The following CUL5 variants were observed in gnomAD, a reference collection of about 807,000 sequenced individuals.
CUL5 encodes the protein cullin-5.
A neutral mutation model predicts 108.8 loss-of-function variants in CUL5; 26 were observed. That is an observed-to-expected ratio of 0.24 (90% CI 0.18 to 0.33). The LOEUF (loss-of-function observed/expected upper bound fraction) is 0.33, where lower values mean the gene tolerates loss of function less well. Ranked by LOEUF, CUL5 falls within the 10% of genes least tolerant of loss-of-function variation. CUL5 has a pLI of 1.00. For missense variants in CUL5, 524 were observed against 909.2 expected, an observed-to-expected ratio of 0.58 and a Z score of 5.45; for synonymous variants, 334 against 298.0, an observed-to-expected ratio of 1.12 and a Z score of -1.25.
At chr11:108,010,186 A>AT (rs1487366998) in intron 1 of CUL5, among the ~76,000 whole-genome samples, 1 of 152,258 alleles carries the variant, frequency 6.6e-6, no homozygotes, top group East Asian at 1.9e-4. Context: ...GTAGTTAATC[A>AT]TTTGCCTTAA....
intron 1 of CUL5, among the ~76,000 whole-genome samples, chr11:108,022,581 C>T (rs752848268): frequency 7.2e-5 from 11 of 152,082 alleles, no homozygotes; most frequent in Non-Finnish European, 1.5e-4. Context: ...TGGCTGATAA[C>T]ACTTACCCCC....
At chr11:108,078,061 C>T in intron 10 of CUL5, 115 bp from the exon 11 acceptor site, 1 of 570,660 alleles carries the variant, frequency 1.8e-6, no homozygotes, top group Non-Finnish European at 3.0e-6. Flanking sequence ...TCTGTTTGGC[C>T]AGATATACCA....
rs772435876 is a variant in CUL5, at chr11:108,071,813, CA to C, written c.875-516del. Reference sequence around the variant, plus strand: ...AAATGATCCTCCCACCTTGGCCTCCCAAAGTGCTGGAGTTACAAGCGTGAAC... The same window carrying C: ...AAATGATCCTCCCACCTTGGCCTCCCAAGTGCTGGAGTTACAAGCGTGAAC... On this transcript the variant is annotated intron_variant, in intron 8 of 18. Transcript: ENST00000393094. Among the ~76,000 whole-genome samples, 7 of 152,272 alleles carry C rather than the reference CA, an allele frequency of 4.6e-5. No homozygotes were observed. The South Asian group carries it at 1.0e-3, about 23-fold the overall frequency.
At chr11:108,087,689 C>T (rs966381373) in intron 11 of CUL5, among the ~76,000 whole-genome samples, 2 of 152,072 alleles carry the variant, frequency 1.3e-5, no homozygotes, top group African/African-American at 2.4e-5. Context: ...GAGCCAGGTG[C>T]GGTGGCCCAC....
Position 108,057,198 on chromosome 11 carries a change from A to AT in CUL5, c.780+2249dup, listed in dbSNP as rs532349215. Among the ~76,000 whole-genome samples the AT allele has an allele frequency of 2.1e-3, 322 of 152,202 alleles. 24 individuals are homozygous for AT. In the South Asian group the frequency reaches 0.065, roughly 31 times the overall value. Reference sequence around the variant, plus strand: ...AGGTACGTGCCACTACACCTGGCTAATTTTTTATTTTTTGAGATCACGTCT... The same window carrying AT: ...AGGTACGTGCCACTACACCTGGCTAATTTTTTTATTTTTTGAGATCACGTCT... On this transcript the variant is annotated intron_variant, in intron 7 of 18. Coordinates refer to ENST00000393094, the MANE Select transcript of CUL5 (RefSeq NM_003478.6).
chr11:108,041,492 G>A (rs1046861088), intron 2 of CUL5, among the ~76,000 whole-genome samples: 2 of 151,760 alleles, frequency 1.3e-5, no homozygotes, highest in African/African-American at 4.8e-5. Context: ...GACCAGACTG[G>A]TCGCGAACTC....
chr11:108,050,132 A>G, intron 4 of CUL5, 66 bp downstream of exon 4: 3 of 1,407,946 alleles, frequency 2.1e-6, no homozygotes, highest in Non-Finnish European at 1.9e-6. Flanking sequence ...GAAGCATTTG[A>G]AAGTAATTTG....
chr11:108,077,633 A>G (rs925706456), intron 10 of CUL5, among the ~76,000 whole-genome samples: 1 of 150,690 alleles, frequency 6.6e-6, no homozygotes, highest in African/African-American at 2.4e-5. Context: ...CTGTCTCCAA[A>G]AAAAAAAAAA....
At chr11:108,022,463 C>G (rs1314623062) in intron 1 of CUL5, among the ~76,000 whole-genome samples, 1 of 152,116 alleles carries the variant, frequency 6.6e-6, no homozygotes, top group African/African-American at 2.4e-5. Flanking sequence ...GGGATTGTTA[C>G]AGATACGCTA....
chr11:108,050,430 G>A (rs182427823), intron 4 of CUL5, among the ~76,000 whole-genome samples: 4 of 150,892 alleles, frequency 2.7e-5, no homozygotes, highest in South Asian at 2.1e-4. Flanking sequence ...GTGCAGTGGC[G>A]CAGTCTGCTC....
intron 11 of CUL5, among the ~76,000 whole-genome samples, chr11:108,087,383 C>A (rs561161789): frequency 6.6e-6 from 1 of 152,242 alleles, no homozygotes; most frequent in South Asian, 2.1e-4. Context: ...CCTTGGAAAA[C>A]AATACTTGAA....
chr11:108,091,438 C>A (rs1864357396), intron 13 of CUL5, among the ~76,000 whole-genome samples: 1 of 151,734 alleles, frequency 6.6e-6, no homozygotes, highest in Non-Finnish European at 1.5e-5. Flanking sequence ...CACCTGTAAT[C>A]CCAGCACTTT....
intron 1 of CUL5, among the ~76,000 whole-genome samples, chr11:108,027,818 A>G (rs1862488637): frequency 2.0e-5 from 3 of 152,176 alleles, no homozygotes; most frequent in African/African-American, 4.8e-5. Flanking sequence ...TTGCTGTTTC[A>G]GTGGTTATCT....
rs2135261052 is a variant in CUL5, at chr11:108,105,957, A to G, written c.*1573A>G. ...CTGCCTGCTGAATGGAAGGAAAGCAACTTTAAAACATTTAGAGTTTTGCTG... is the reference window on the plus strand; with the variant it reads ...CTGCCTGCTGAATGGAAGGAAAGCAGCTTTAAAACATTTAGAGTTTTGCTG... On this transcript the variant is annotated 3_prime_UTR_variant, in exon 19 of 19. Coordinates refer to ENST00000393094, the MANE Select transcript of CUL5 (RefSeq NM_003478.6). 6.6e-6 allele frequency: 1 copy of G among 152,310 alleles called. No homozygotes were observed. Among genetic ancestry groups the G allele is most frequent in the Admixed American group, 6.5e-5 (1 of 15,302 alleles). 9.4% of individuals were successfully genotyped at this position (152,310 alleles called of 1,614,324 possible).
At chr11:108,019,193 T>TGGGTGGGGGTGG (rs531734915) in intron 1 of CUL5, among the ~76,000 whole-genome samples, 2 of 16,000 alleles carry the variant, frequency 1.3e-4, no homozygotes, top group African/African-American at 2.5e-4. Context: ...GGTATCCCGA[T>TGGGTGGGGGTGG]GGGTGGGGGT....
chr11:108,073,449 C>A lies in CUL5; in HGVS notation c.1065C>A (p.Val355=). The A allele has an allele frequency of 6.3e-7, 1 of 1,597,580 alleles. No individual in the cohort carries two copies. Among genetic ancestry groups the A allele is most frequent in the South Asian group, 1.1e-5 (1 of 88,352 alleles). Residue 355 remains valine, a synonymous_variant, in exon 10 of 19, where the codon GTC becomes GTA. Transcript: ENST00000393094. The part of the protein sequence containing the change: ...LTLFNRFSKL[V]KEAFQDDPRF... The stretch of plus-strand genomic sequence containing the variant: ...TATTTAATAGATTTAGTAAACTCGT[C>A]AAAGAAGCTTTTCAAGATGATCCAC...
chr11:108,085,548 T>G (rs1398378291), intron 11 of CUL5, among the ~76,000 whole-genome samples: 1 of 152,212 alleles, frequency 6.6e-6, no homozygotes, highest in African/African-American at 2.4e-5. Context: ...TGCCACTAAA[T>G]TTTACACTTA....
chr11:108,048,648 C>CTTTTTTTTTTTTTTTTTTTT (rs200991204), intron 3 of CUL5, among the ~76,000 whole-genome samples: 72 of 116,852 alleles, frequency 6.2e-4, no homozygotes, highest in Non-Finnish European at 9.8e-4. Flanking sequence ...ACTCCACCAC[C>CTTTTTTTTTTTTTTTTTTTT]TTTTTTTTTT....
chr11:108,065,144 G>A (rs1863641831), intron 7 of CUL5, among the ~76,000 whole-genome samples: 1 of 151,960 alleles, frequency 6.6e-6, no homozygotes, highest in Admixed American at 6.6e-5. Context: ...TCCTGCCTCA[G>A]CCTCCCAAGT....
Sources: allele counts gnomAD v4.1 joint callset (sites outside exome capture counted in the v4.1 genomes callset), GRCh38; gene constraint gnomAD v4.1.1; transcripts MANE v1.5; gene names NCBI Gene and HGNC (gene_info 2026-07-23, HGNC 2026-07-21).